Variants in NKAIN3 observed in about 807,000 individuals in gnomAD.
The protein encoded by NKAIN3 is sodium/potassium transporting ATPase interacting 3, also known as sodium/potassium-transporting ATPase subunit beta-1-interacting protein 3.
A neutral mutation model predicts 30.2 loss-of-function variants in NKAIN3; 25 were observed. The observed-to-expected ratio is 0.83, with a 90% confidence interval of 0.60 to 1.16. NKAIN3 has a LOEUF of 1.16. NKAIN3 is among the 50% of genes most tolerant of loss of function. NKAIN3 has a pLI of 0.00. For missense variants in NKAIN3, 225 were observed against 254.1 expected (o/e 0.89, Z 0.78); for synonymous variants, 91 against 89.6 (o/e 1.02, Z -0.09).
At chr8:62,920,760 A>C (rs1465060364) in intron 5 of NKAIN3, among the ~76,000 whole-genome samples, 1 of 152,222 alleles carries the variant, frequency 6.6e-6, no homozygotes. Flanking sequence ...TGGATATAGT[A>C]CTTGTATTGT....
At chr8:62,678,417 A>C (rs1462049381) in intron 3 of NKAIN3, among the ~76,000 whole-genome samples, 3 of 152,176 alleles carry the variant, frequency 2.0e-5, no homozygotes, top group African/African-American at 4.8e-5. Flanking sequence ...ATAGATGAGT[A>C]AGAGATTTGA....
intron 1 of NKAIN3, among the ~76,000 whole-genome samples, chr8:62,291,420 A>G (rs1449952514): frequency 6.6e-6 from 1 of 152,058 alleles, no homozygotes; most frequent in African/African-American, 2.4e-5. Flanking sequence ...TGTGTCCCAG[A>G]GTTTCTGGTA....
intron 1 of NKAIN3, among the ~76,000 whole-genome samples, chr8:62,518,784 A>G (rs1299599558): frequency 6.6e-6 from 1 of 152,188 alleles, no homozygotes; most frequent in Non-Finnish European, 1.5e-5. Context: ...GTGTTCACAA[A>G]TAATCTCAGC....
chr8:62,577,573 G>T, intron 1 of NKAIN3, among the ~76,000 whole-genome samples: 1 of 139,486 alleles, frequency 7.2e-6, no homozygotes, highest in Non-Finnish European at 1.5e-5. Context: ...GTTATGTTTG[G>T]ACATTTAAAA....
chr8:62,584,038 G>GA (rs1019655741), intron 2 of NKAIN3, among the ~76,000 whole-genome samples: 2 of 152,104 alleles, frequency 1.3e-5, no homozygotes, highest in African/African-American at 4.8e-5. Flanking sequence ...TAAAAAAACT[G>GA]AAAATGAATG....
At chr8:62,307,267 CAAA>C (rs10598782) in intron 1 of NKAIN3, among the ~76,000 whole-genome samples, 1,194 of 107,944 alleles carry the variant, frequency 0.011, 88 homozygotes, top group African/African-American at 0.039. Flanking sequence ...TCTCTTCTAG[CAAA>C]AAAAAAAAAA....
intron 1 of NKAIN3, among the ~76,000 whole-genome samples, chr8:62,292,608 G>A (rs141176125): frequency 1.1e-3 from 162 of 152,310 alleles, no homozygotes; most frequent in African/African-American, 3.7e-3. Flanking sequence ...GAGATCCACC[G>A]TTAGTCTGAT....
intron 3 of NKAIN3, among the ~76,000 whole-genome samples, chr8:62,596,611 G>T (rs1276011807): frequency 6.6e-6 from 1 of 152,024 alleles, no homozygotes; most frequent in African/African-American, 2.4e-5. Flanking sequence ...TAGTGCCCAA[G>T]TGAGGGCTAT....
At chr8:62,621,807 C>CT (rs1407193881) in intron 3 of NKAIN3, among the ~76,000 whole-genome samples, 2 of 152,064 alleles carry the variant, frequency 1.3e-5, no homozygotes, top group Non-Finnish European at 2.9e-5. Flanking sequence ...TTTTCTCCTA[C>CT]TTTTTTCTGA....
chr8:62,881,624 T>G (rs1443758834), intron 4 of NKAIN3, among the ~76,000 whole-genome samples: 3 of 152,238 alleles, frequency 2.0e-5, no homozygotes, highest in Non-Finnish European at 4.4e-5. Context: ...TACCACAGTT[T>G]ATCCATTCAC....
intron 1 of NKAIN3, among the ~76,000 whole-genome samples, chr8:62,414,389 A>G (rs997944113): frequency 2.1e-4 from 32 of 150,408 alleles, no homozygotes; most frequent in African/African-American, 7.5e-4. Context: ...TGCCATTTAC[A>G]TTGAGGAATG....
At chr8:62,581,482 C>G (rs1368261602) in intron 2 of NKAIN3, among the ~76,000 whole-genome samples, 2 of 152,148 alleles carry the variant, frequency 1.3e-5, no homozygotes, top group African/African-American at 4.8e-5. Context: ...AAATGTTAAC[C>G]GTATGCACTA....
intron 4 of NKAIN3, among the ~76,000 whole-genome samples, chr8:62,870,645 ATATC>A (rs1238090882): frequency 3.9e-3 from 545 of 139,792 alleles, no homozygotes; most frequent in African/African-American, 0.014. Flanking sequence ...TTTTATATAT[ATATC>A]TATATCTAGA....
intron 2 of NKAIN3, among the ~76,000 whole-genome samples, chr8:62,580,499 G>A (rs1416881823): frequency 1.3e-5 from 2 of 152,104 alleles, no homozygotes; most frequent in Non-Finnish European, 2.9e-5. Flanking sequence ...AGAATTACTA[G>A]ATATTTTCTT....
intron 5 of NKAIN3, among the ~76,000 whole-genome samples, chr8:62,923,878 C>T (rs1353330732): frequency 6.6e-6 from 1 of 152,188 alleles, no homozygotes; most frequent in Non-Finnish European, 1.5e-5. Context: ...AAATAGGTTA[C>T]TGAGACAGAC....
At chr8:62,346,001 G>A (rs1815993248) in intron 1 of NKAIN3, among the ~76,000 whole-genome samples, 1 of 152,026 alleles carries the variant, frequency 6.6e-6, no homozygotes, top group South Asian at 2.1e-4. Flanking sequence ...CCTCACTCTT[G>A]TGTGGAGTAT....
At chr8:62,510,521 G>A (rs933043040) in intron 1 of NKAIN3, among the ~76,000 whole-genome samples, 5 of 152,060 alleles carry the variant, frequency 3.3e-5, no homozygotes, top group African/African-American at 1.2e-4. Flanking sequence ...GAAGGTGATG[G>A]GTTTGTTACG....
intron 1 of NKAIN3, among the ~76,000 whole-genome samples, chr8:62,412,917 AAAAAC>A (rs1385704826): frequency 6.1e-5 from 5 of 82,478 alleles, no homozygotes; most frequent in Middle Eastern, 9.4e-3. Flanking sequence ...GTCAAAAAAA[AAAAAC>A]AAAAAAAAAA....
chr8:62,248,877 C>A lies in NKAIN3; in HGVS notation c.-197C>A, dbSNP rs2129384347. The stretch of plus-strand genomic sequence containing the variant: ...CCGCCAGACGCTCGGGTCGTGCGCA[C>A]CGCACTGACCTCGGCCCGCCCCGCC... On this transcript the variant is annotated 5_prime_UTR_variant, in exon 1 of 7. Coordinates refer to ENST00000623646, the MANE Select transcript of NKAIN3 (RefSeq NM_001304533.3). The A allele has an allele frequency of 1.9e-6, 1 of 538,450 alleles. No homozygotes were observed. Among genetic ancestry groups the A allele is most frequent in the East Asian group, 3.5e-5 (1 of 28,838 alleles). The allele number at this position is 538,450 out of a possible 1,614,324, so 33.4% of individuals were successfully genotyped here.
Sources: allele counts gnomAD v4.1 joint callset (sites outside exome capture counted in the v4.1 genomes callset), GRCh38; gene constraint gnomAD v4.1.1; transcripts MANE v1.5; gene names NCBI Gene and HGNC (gene_info 2026-07-23, HGNC 2026-07-21).